Variants in PCSK5 observed in about 807,000 individuals in gnomAD.
PCSK5 encodes proprotein convertase subtilisin/kexin type 5.
In PCSK5, 129 loss-of-function variants were observed where a neutral mutation model predicts 233.2. The ratio of observed to expected loss-of-function variants is 0.55; its 90% CI spans 0.48 to 0.64. The LOEUF (loss-of-function observed/expected upper bound fraction) is 0.64. Ranked by LOEUF, PCSK5 falls within the 30% of genes least tolerant of loss-of-function variation. PCSK5 has a pLI of 0.00. For missense variants in PCSK5, 2,076 were observed against 2,430.1 expected, an observed-to-expected ratio of 0.85 and a Z score of 3.06; for synonymous variants, 825 against 879.2, an observed-to-expected ratio of 0.94 and a Z score of 1.09.
chr9:76,103,993 C>T (rs375859769), intron 8 of PCSK5, among the ~76,000 whole-genome samples: 10 of 152,180 alleles, frequency 6.6e-5, no homozygotes, highest in East Asian at 5.8e-4. Context: ...TGTAGTGGGC[C>T]GACTGTTGAA....
chr9:76,338,546 C>T, intron 35 of PCSK5, 99 bp downstream of exon 35: 2 of 786,708 alleles, frequency 2.5e-6, no homozygotes, highest in Non-Finnish European at 4.2e-6. Context: ...TGGGAGGTTC[C>T]TCTTGCTTCC....
intron 5 of PCSK5, among the ~76,000 whole-genome samples, chr9:76,060,571 T>C (rs986997549): frequency 6.6e-6 from 1 of 152,156 alleles, no homozygotes; most frequent in Non-Finnish European, 1.5e-5. Flanking sequence ...GGTTCAACTG[T>C]ATTTGTAAAT....
At chr9:76,267,422 T>G (rs2131368381) in intron 24 of PCSK5, among the ~76,000 whole-genome samples, 1 of 152,316 alleles carries the variant, frequency 6.6e-6, no homozygotes, top group East Asian at 1.9e-4. Flanking sequence ...ACTTTATGTG[T>G]GATTGTGTAA....
At chr9:76,073,123 C>T (rs890528305) in intron 7 of PCSK5, among the ~76,000 whole-genome samples, 3 of 152,126 alleles carry the variant, frequency 2.0e-5, no homozygotes, top group Non-Finnish European at 4.4e-5. Context: ...ACAAATGATG[C>T]GAACCACAGG....
At chr9:76,330,441 G>A (rs1371071619) in intron 33 of PCSK5, among the ~76,000 whole-genome samples, 2 of 152,086 alleles carry the variant, frequency 1.3e-5, no homozygotes, top group African/African-American at 4.8e-5. Context: ...TGAGAAGCGT[G>A]AAACTCCAAA....
At chr9:76,156,851 T>C (rs1488929391) in intron 10 of PCSK5, among the ~76,000 whole-genome samples, 194 bp from the exon 11 acceptor site, 5 of 152,208 alleles carry the variant, frequency 3.3e-5, no homozygotes, top group Admixed American at 6.5e-5. Flanking sequence ...TAGTGATAGA[T>C]AGTCAATGAA....
At chr9:76,081,915 T>C (rs961598824) in intron 7 of PCSK5, among the ~76,000 whole-genome samples, 1 of 152,186 alleles carries the variant, frequency 6.6e-6, no homozygotes, top group Non-Finnish European at 1.5e-5. Flanking sequence ...AACAAATCTC[T>C]CATACAGACT....
chr9:76,218,065 A>G (rs1031397007), intron 20 of PCSK5, among the ~76,000 whole-genome samples: 2 of 152,204 alleles, frequency 1.3e-5, no homozygotes, highest in Admixed American at 6.5e-5. Flanking sequence ...AAGTGCAGTG[A>G]GCAGTCCATA....
At chr9:76,341,895 A>G (rs1375968895) in intron 35 of PCSK5, among the ~76,000 whole-genome samples, 1 of 152,164 alleles carries the variant, frequency 6.6e-6, no homozygotes, top group African/African-American at 2.4e-5. Flanking sequence ...GAGTCCCAAC[A>G]TGACTCCTGA....
chr9:76,240,123 G>A (rs754082330), intron 23 of PCSK5, among the ~76,000 whole-genome samples: 9 of 152,210 alleles, frequency 5.9e-5, no homozygotes, highest in Non-Finnish European at 1.3e-4. Flanking sequence ...GCCCTGCTCT[G>A]TATAAGAATT....
intron 8 of PCSK5, among the ~76,000 whole-genome samples, chr9:76,097,328 C>T (rs1287889572): frequency 7.1e-5 from 9 of 125,932 alleles, no homozygotes; most frequent in Admixed American, 1.8e-4. Context: ...GGCGCAATCT[C>T]GGCTCACTGC....
intron 33 of PCSK5, among the ~76,000 whole-genome samples, chr9:76,330,993 G>A (rs1417876611): frequency 6.6e-6 from 1 of 152,082 alleles, no homozygotes; most frequent in Non-Finnish European, 1.5e-5. Context: ...TCCACAAAGT[G>A]GTCTTCCCCT....
intron 9 of PCSK5, among the ~76,000 whole-genome samples, chr9:76,108,439 T>C (rs766599995): frequency 6.6e-6 from 1 of 152,150 alleles, no homozygotes; most frequent in African/African-American, 2.4e-5. Context: ...ACAAGGATAA[T>C]GAAGAGGCTC....
At position 76,119,931 on chromosome 9, in the gene PCSK5, C is replaced by T. The variant is rs1832569357; in HGVS notation, c.1208+12580C>T. Among the ~76,000 whole-genome samples, 3 of 152,044 alleles carry T rather than the reference C, an allele frequency of 2.0e-5. No homozygotes were observed. In the South Asian group the frequency reaches 6.2e-4, roughly 32 times the overall value. On this transcript the variant is annotated intron_variant, in intron 9 of 37. Coordinates refer to ENST00000674117, the MANE Select transcript of PCSK5 (RefSeq NM_001372043.1). The stretch of plus-strand genomic sequence containing the variant: ...TTTGACCTCTCCTAACCATTTCTAC[C>T]TCCCCCCAGCACTTCCCATCACCAC...
At chr9:75,903,155 G>A (rs1826114405) in intron 1 of PCSK5, among the ~76,000 whole-genome samples, 1 of 152,044 alleles carries the variant, frequency 6.6e-6, no homozygotes, top group African/African-American at 2.4e-5. Flanking sequence ...GCTGTGTTCT[G>A]AACATGCCTT....
At chr9:76,296,998 C>G in intron 27 of PCSK5, 133 bp downstream of exon 27, 2 of 649,092 alleles carry the variant, frequency 3.1e-6, no homozygotes, top group Non-Finnish European at 5.5e-6. Context: ...GAGTGAGAAT[C>G]AAGTTGGGAT....
chr9:75,940,147 C>T (rs927037641), intron 2 of PCSK5, among the ~76,000 whole-genome samples: 1 of 152,164 alleles, frequency 6.6e-6, no homozygotes, highest in Non-Finnish European at 1.5e-5. Flanking sequence ...GAGGCTTCAC[C>T]ATCAGACAGG....
intron 5 of PCSK5, among the ~76,000 whole-genome samples, chr9:76,029,673 C>G (rs568231126): frequency 1.3e-5 from 2 of 152,236 alleles, no homozygotes; most frequent in South Asian, 4.2e-4. Flanking sequence ...CCCTCTAATA[C>G]CTATGAGTTG....
chr9:75,989,936 C>T (rs559817515), intron 3 of PCSK5, among the ~76,000 whole-genome samples: 1 of 152,196 alleles, frequency 6.6e-6, no homozygotes, highest in Admixed American at 6.5e-5. Flanking sequence ...CCGGCTACCA[C>T]AATTAAATGA....
Sources: gnomAD v4.1 joint callset for allele counts (sites outside exome capture counted in the v4.1 genomes callset) on GRCh38, gnomAD v4.1.1 for gene constraint, MANE v1.5 for transcripts, NCBI Gene and HGNC (gene_info 2026-07-23, HGNC 2026-07-21) for gene names.